Variants in HS3ST3A1 observed in about 807,000 individuals in gnomAD.
HS3ST3A1 encodes heparan sulfate-glucosamine 3-sulfotransferase 3A1, also known as heparan sulfate glucosamine 3-O-sulfotransferase 3A1.
A neutral mutation model predicts 25.7 loss-of-function variants in HS3ST3A1; 19 were observed. That is an observed-to-expected ratio of 0.74 (90% CI 0.52 to 1.08). The LOEUF is 1.08. Ranked by LOEUF, HS3ST3A1 falls within the 50% of genes least tolerant of loss-of-function variation. HS3ST3A1 has a pLI of 0.00. For synonymous variants in HS3ST3A1, 226 were observed against 278.6 expected (o/e 0.81, Z 1.88); for missense variants, 459 against 594.3 (o/e 0.77, Z 2.37).
intron 1 of HS3ST3A1, among the ~76,000 whole-genome samples, chr17:13,500,460 A>G (rs1905434037): frequency 1.3e-5 from 2 of 152,250 alleles, no homozygotes; most frequent in Non-Finnish European, 2.9e-5. Flanking sequence ...CTGAAGAAAT[A>G]TGAGGCAGGC....
intron 1 of HS3ST3A1, among the ~76,000 whole-genome samples, chr17:13,521,523 A>T (rs895898676): frequency 1.3e-5 from 2 of 152,084 alleles, no homozygotes; most frequent in Non-Finnish European, 2.9e-5. Flanking sequence ...AACACAGCTA[A>T]TCTCCCCGAG....
intron 1 of HS3ST3A1, among the ~76,000 whole-genome samples, chr17:13,563,064 A>C (rs912842300): frequency 6.6e-6 from 1 of 151,294 alleles, no homozygotes; most frequent in Non-Finnish European, 1.5e-5. Context: ...TAAGTGGGAA[A>C]AATACATACC....
At chr17:13,517,066 G>T (rs959715761) in intron 1 of HS3ST3A1, among the ~76,000 whole-genome samples, 1 of 152,184 alleles carries the variant, frequency 6.6e-6, no homozygotes, top group African/African-American at 2.4e-5. Context: ...TAAAAGTGTG[G>T]AAATGAGCAT....
At chr17:13,592,925 T>C (rs186781787) in intron 1 of HS3ST3A1, among the ~76,000 whole-genome samples, 25 of 152,224 alleles carry the variant, frequency 1.6e-4, no homozygotes, top group Non-Finnish European at 2.8e-4. Context: ...TAAACCTGCA[T>C]AGTTAGAAGG....
At chr17:13,580,553 A>T (rs1908082854) in intron 1 of HS3ST3A1, among the ~76,000 whole-genome samples, 1 of 152,234 alleles carries the variant, frequency 6.6e-6, no homozygotes, top group African/African-American at 2.4e-5. Context: ...AAAACATAGT[A>T]AAGTAAAATC....
At chr17:13,522,853 G>GACACAC (rs374742145) in intron 1 of HS3ST3A1, among the ~76,000 whole-genome samples, 5,798 of 148,396 alleles carry the variant, frequency 0.039, 176 homozygotes, top group Middle Eastern at 0.092. Flanking sequence ...CACACAGAGA[G>GACACAC]ACACACACAC....
chr17:13,553,115 G>A (rs1224573988), intron 1 of HS3ST3A1, among the ~76,000 whole-genome samples: 1 of 152,168 alleles, frequency 6.6e-6, no homozygotes, highest in Non-Finnish European at 1.5e-5. Context: ...TACAAGAATT[G>A]CTTTGGCTAA....
intron 1 of HS3ST3A1, among the ~76,000 whole-genome samples, chr17:13,512,041 A>G (rs182516542): frequency 1.6e-4 from 25 of 152,346 alleles, no homozygotes; most frequent in Admixed American, 1.2e-3. Context: ...GCTATGGCCC[A>G]CAGGCCAACA....
chr17:13,551,546 A>C (rs2142356792), intron 1 of HS3ST3A1, among the ~76,000 whole-genome samples: 1 of 147,166 alleles, frequency 6.8e-6, no homozygotes, highest in African/African-American at 2.5e-5. Flanking sequence ...ATATCTCAAA[A>C]CTGCCCAGCC....
At chr17:13,547,942 GCC>G (rs374028710) in intron 1 of HS3ST3A1, among the ~76,000 whole-genome samples, 22,904 of 108,464 alleles carry the variant, frequency 0.21, 1,887 homozygotes, top group Middle Eastern at 0.26. Context: ...GTTGGTGTGA[GCC>G]AAAAAAAAAA....
rs778864896 is a variant in HS3ST3A1, at chr17:13,601,114, G to A, written c.16C>T (p.Pro6Ser). Reference protein sequence around the residue: MAPPGPASALSTSAEP... With the variant: MAPPGSASALSTSAEP... ...GCCGAGGTGGAGAGGGCACTGGCCG[G>A]GCCCGGAGGGGCCATCCTAGCCGGA... The change falls in exon 1 of 2, where the codon CCG becomes TCG. Residue 6 changes from proline to serine, a missense_variant. By Grantham distance (74) the Pro-to-Ser change is moderately conservative (BLOSUM62 -1). Coordinates refer to ENST00000284110, the MANE Select transcript of HS3ST3A1 (RefSeq NM_006042.3). 3.2e-6 allele frequency: 5 copies of A among 1,563,668 alleles called. No homozygotes were observed. Among genetic ancestry groups the A allele is most frequent in the African/African-American group, 1.4e-5 (1 of 72,582 alleles).
chr17:13,578,400 A>G (rs1307387401), intron 1 of HS3ST3A1, among the ~76,000 whole-genome samples: 1 of 150,666 alleles, frequency 6.6e-6, no homozygotes, highest in Admixed American at 6.6e-5. Context: ...ATACAAAAAA[A>G]AAAAAAAAAA....
In HS3ST3A1 at chr17:13,496,142, A is replaced by G; in HGVS notation, c.*55T>C. 9.7e-6 allele frequency: 14 copies of G among 1,447,984 alleles called. No homozygotes were observed. Among genetic ancestry groups the G allele is most frequent in the Non-Finnish European group, 1.3e-5 (14 of 1,097,506 alleles). The allele number at this position is 1,447,984 out of a possible 1,614,324, so 89.7% of individuals were successfully genotyped here. ...ATATTAAACTGTCTCTTCTCTACCG[A>G]TTGGTAAAAAAATATATTATATTTT... On this transcript the variant is annotated 3_prime_UTR_variant, in exon 2 of 2. Coordinates refer to ENST00000284110, the MANE Select transcript of HS3ST3A1 (RefSeq NM_006042.3).
At chr17:13,516,738 C>T (rs867711987) in intron 1 of HS3ST3A1, among the ~76,000 whole-genome samples, 4 of 152,120 alleles carry the variant, frequency 2.6e-5, no homozygotes, top group African/African-American at 7.2e-5. Flanking sequence ...TTTTTGGAAA[C>T]GTTTTCTTTC....
Position 13,504,094 on chromosome 17 carries a change from C to A in HS3ST3A1, c.600-7276G>T, listed in dbSNP as rs182715826. Among the ~76,000 whole-genome samples the A allele has an allele frequency of 1.4e-4, 21 of 152,156 alleles. 1 individual carries two copies. In the East Asian group the frequency reaches 4.1e-3, roughly 29 times the overall value. Reference sequence around the variant, plus strand: ...CTTTGGGAGGCCGCAGTGGGTGGATCATGAGGTCAGGAGTTCAAGACCAGC... The same window carrying A: ...CTTTGGGAGGCCGCAGTGGGTGGATAATGAGGTCAGGAGTTCAAGACCAGC... On this transcript the variant is annotated intron_variant, in intron 1 of 1. Transcript: ENST00000284110.
chr17:13,502,276 C>A (rs1361422442), intron 1 of HS3ST3A1, among the ~76,000 whole-genome samples: 1 of 152,070 alleles, frequency 6.6e-6, no homozygotes, highest in Non-Finnish European at 1.5e-5. Flanking sequence ...GGTGGGAGTA[C>A]TAAAATGACC....
At chr17:13,564,945 C>T (rs1278306538) in intron 1 of HS3ST3A1, among the ~76,000 whole-genome samples, 1 of 152,078 alleles carries the variant, frequency 6.6e-6, no homozygotes, top group Non-Finnish European at 1.5e-5. Context: ...TGGTCGCAAA[C>T]TCCTGACCTC....
chr17:13,537,626 C>T (rs951910109), intron 1 of HS3ST3A1, among the ~76,000 whole-genome samples: 4 of 152,204 alleles, frequency 2.6e-5, no homozygotes, highest in Non-Finnish European at 4.4e-5. Flanking sequence ...AGTTTTAAAA[C>T]AAGCATACCA....
chr17:13,546,035 G>C (rs1907079475), intron 1 of HS3ST3A1, among the ~76,000 whole-genome samples: 1 of 151,972 alleles, frequency 6.6e-6, no homozygotes, highest in African/African-American at 2.4e-5. Flanking sequence ...GCCAGCTCTG[G>C]GGGTCGTTTG....
Sources: allele counts gnomAD v4.1 joint callset (sites outside exome capture counted in the v4.1 genomes callset), GRCh38; gene constraint gnomAD v4.1.1; transcripts MANE v1.5; gene names NCBI Gene and HGNC (gene_info 2026-07-23, HGNC 2026-07-21).